Variants in UNC13C observed in about 807,000 individuals in gnomAD.
UNC13C encodes protein unc-13 homolog C.
Under a neutral mutation model 245.4 loss-of-function variants are expected in UNC13C, and 174 were observed. That is an observed-to-expected ratio of 0.71 (90% CI 0.63 to 0.80). UNC13C has a LOEUF of 0.80. Among genes scored for constraint, UNC13C ranks in the 30% least tolerant of loss-of-function variants. UNC13C has a pLI of 0.00. For missense variants in UNC13C, 2,829 were observed against 2,602.9 expected, an observed-to-expected ratio of 1.09 and a Z score of -1.89; for synonymous variants, 992 against 895.1, an observed-to-expected ratio of 1.11 and a Z score of -1.93.
chr15:54,206,974 A>C (rs897101740), intron 4 of UNC13C, among the ~76,000 whole-genome samples: 3 of 152,102 alleles, frequency 2.0e-5, no homozygotes, highest in Non-Finnish European at 4.4e-5. Context: ...TCCTAATGGA[A>C]GATAAAACCC....
At chr15:54,262,388 C>G (rs1293499839) in intron 8 of UNC13C, among the ~76,000 whole-genome samples, 1 of 152,288 alleles carries the variant, frequency 6.6e-6, no homozygotes, top group East Asian at 1.9e-4. Context: ...ACTTTTGAGT[C>G]ACTTTGTGTC....
chr15:54,509,893 T>C (rs917054753), intron 23 of UNC13C, among the ~76,000 whole-genome samples: 1 of 152,192 alleles, frequency 6.6e-6, no homozygotes. Flanking sequence ...TTATTTTTGT[T>C]TCCCTCCGGA....
chr15:54,268,419 A>G, intron 10 of UNC13C, among the ~76,000 whole-genome samples: 1 of 152,084 alleles, frequency 6.6e-6, no homozygotes. Flanking sequence ...AATCTTGGTC[A>G]CTTTTGATTG....
chr15:54,014,343 C>T lies in UNC13C; in HGVS notation c.1440C>T (p.Ser480=). ...KSELLTKGST[S]KPSSKSHSAR... The stretch of plus-strand genomic sequence containing the variant: ...AGCTTCTAACAAAGGGAAGTACTTC[C>T]AAGCCAAGCTCAAAATCACACAGTG... Residue 480 remains serine, a synonymous_variant, in exon 2 of 33, where the codon TCC becomes TCT. Coordinates refer to ENST00000260323, the MANE Select transcript of UNC13C (RefSeq NM_001080534.3). 6.2e-7 allele frequency: 1 copy of T among 1,613,810 alleles called. No individual in the cohort carries two copies. Among genetic ancestry groups the T allele is most frequent in the Non-Finnish European group, 8.5e-7 (1 of 1,179,796 alleles).
At chr15:54,257,917 C>T (rs1272777856) in intron 8 of UNC13C, among the ~76,000 whole-genome samples, 2 of 152,102 alleles carry the variant, frequency 1.3e-5, no homozygotes, top group Non-Finnish European at 2.9e-5. Flanking sequence ...AACTGAATGT[C>T]CACCCACATG....
chr15:54,566,510 A>G (rs1365415615), intron 29 of UNC13C, among the ~76,000 whole-genome samples: 2 of 152,102 alleles, frequency 1.3e-5, no homozygotes, highest in African/African-American at 4.8e-5. Flanking sequence ...GTGTTTTCAC[A>G]GAGCACCTAG....
intron 4 of UNC13C, among the ~76,000 whole-genome samples, chr15:54,225,627 A>G (rs2035359468): frequency 6.6e-6 from 1 of 152,136 alleles, no homozygotes; most frequent in African/African-American, 2.4e-5. Flanking sequence ...ATTGGTGTAA[A>G]GGAATGCTTG....
intron 14 of UNC13C, among the ~76,000 whole-genome samples, chr15:54,331,488 C>T (rs1392008101): frequency 1.3e-5 from 2 of 152,016 alleles, no homozygotes; most frequent in Non-Finnish European, 2.9e-5. Context: ...TCATACACAG[C>T]CTTTAAAAGC....
At chr15:54,287,955 GT>G (rs1231787331) in intron 10 of UNC13C, among the ~76,000 whole-genome samples, 1 of 152,156 alleles carries the variant, frequency 6.6e-6, no homozygotes, top group African/African-American at 2.4e-5. Flanking sequence ...TTAGCTTGAA[GT>G]CCAGGATCTT....
At chr15:54,256,770 G>A (rs765981256) in intron 8 of UNC13C, among the ~76,000 whole-genome samples, 7 of 152,164 alleles carry the variant, frequency 4.6e-5, no homozygotes. Context: ...ATTCCCTGAG[G>A]ATAAAAGAGA....
At chr15:54,009,340 A>G (rs143214867) in intron 1 of UNC13C, among the ~76,000 whole-genome samples, 1 of 152,200 alleles carries the variant, frequency 6.6e-6, no homozygotes, top group East Asian at 1.9e-4. Flanking sequence ...GTCTTCTGTA[A>G]TTGCTTCTTG....
chr15:54,367,705 A>G (rs1414942810), intron 17 of UNC13C, among the ~76,000 whole-genome samples: 1 of 152,152 alleles, frequency 6.6e-6, no homozygotes, highest in East Asian at 1.9e-4. Flanking sequence ...GGAGTCCATT[A>G]TAGCATCTAG....
chr15:54,007,901 A>G (rs1450604007), intron 1 of UNC13C, among the ~76,000 whole-genome samples: 1 of 152,190 alleles, frequency 6.6e-6, no homozygotes, highest in African/African-American at 2.4e-5. Context: ...GGGCTGTACC[A>G]TAAGAGGTCC....
At chr15:54,208,504 G>T (rs963081327) in intron 4 of UNC13C, among the ~76,000 whole-genome samples, 5 of 152,098 alleles carry the variant, frequency 3.3e-5, no homozygotes, top group Admixed American at 3.3e-4. Context: ...TATGTGCTAG[G>T]TGTTATTCAA....
At chr15:54,118,603 C>G (rs1214476143) in intron 2 of UNC13C, among the ~76,000 whole-genome samples, 1 of 151,980 alleles carries the variant, frequency 6.6e-6, no homozygotes, top group African/African-American at 2.4e-5. Flanking sequence ...AGGGATAATT[C>G]AACTCATTAC....
the UNC13C span, among the ~76,000 whole-genome samples, chr15:53,916,151 A>G: frequency 1.3e-5 from 2 of 152,196 alleles, no homozygotes; most frequent in Admixed American, 6.5e-5. Flanking sequence ...AAGAATGGTA[A>G]TAGAAGAGCT....
chr15:54,415,681 T>C (rs2040503491), intron 19 of UNC13C, among the ~76,000 whole-genome samples: 1 of 152,178 alleles, frequency 6.6e-6, no homozygotes, highest in African/African-American at 2.4e-5. Context: ...TTGTACTTAT[T>C]CAGTGAATAT....
At chr15:54,213,506 G>C (rs2034949459) in intron 4 of UNC13C, among the ~76,000 whole-genome samples, 1 of 152,012 alleles carries the variant, frequency 6.6e-6, no homozygotes, top group Non-Finnish European at 1.5e-5. Context: ...CTAATTGATA[G>C]TTACTTAGGA....
At chr15:54,170,033 A>G (rs961186895) in intron 4 of UNC13C, among the ~76,000 whole-genome samples, 2 of 142,550 alleles carry the variant, frequency 1.4e-5, no homozygotes, top group African/African-American at 5.3e-5. Flanking sequence ...TCTTAAACCT[A>G]TCATGTACAG....
Sources: gnomAD v4.1 joint callset for allele counts (sites outside exome capture counted in the v4.1 genomes callset) on GRCh38, gnomAD v4.1.1 for gene constraint, MANE v1.5 for transcripts, NCBI Gene and HGNC (gene_info 2026-07-23, HGNC 2026-07-21) for gene names.